The following GRK5 variants were observed in gnomAD, a reference collection of about 807,000 sequenced individuals.
The protein encoded by GRK5 is g protein-coupled receptor kinase GRK5.
A neutral mutation model predicts 78.4 loss-of-function variants in GRK5; 40 were observed. The observed-to-expected ratio is 0.51, with a 90% CI of 0.40 to 0.66. GRK5 has a LOEUF of 0.66. GRK5 is among the 30% of genes least tolerant of loss of function. The pLI is 0.00. For missense variants in GRK5, 598 were observed against 759.9 expected (o/e 0.79, Z 2.50); for synonymous variants, 289 against 296.8 (o/e 0.97, Z 0.27).
chr10:119,394,748 T>G lies in GRK5; in HGVS notation c.262-1947T>G, dbSNP rs368635060. On this transcript the variant is annotated intron_variant, in intron 3 of 15. Coordinates refer to ENST00000392870, the MANE Select transcript of GRK5 (RefSeq NM_005308.3). ...ACGTGTATGTTTGGGTGTGTGTGTGTCTGTGTGTGGGTGTGTATCTGTGTG... is the reference window on the plus strand; with the variant it reads ...ACGTGTATGTTTGGGTGTGTGTGTGGCTGTGTGTGGGTGTGTATCTGTGTG... Among the ~76,000 whole-genome samples the G allele has an allele frequency of 8.4e-4, 49 of 58,152 alleles. 8 individuals are homozygous for G. The highest frequency in any genetic ancestry group is 5.5e-3 in the South Asian group (10 of 1,830). The allele number at this position is 58,152 out of a possible 152,430, so 38.1% of individuals were successfully genotyped here.
chr10:119,363,439 T>C (rs1161732255), intron 2 of GRK5, among the ~76,000 whole-genome samples: 3 of 152,224 alleles, frequency 2.0e-5, no homozygotes, highest in African/African-American at 7.2e-5. Context: ...GTCATGCAGC[T>C]AGTACGTGGT....
chr10:119,249,443 T>C (rs757837947), intron 1 of GRK5, among the ~76,000 whole-genome samples: 1 of 152,214 alleles, frequency 6.6e-6, no homozygotes, highest in Non-Finnish European at 1.5e-5. Flanking sequence ...ACACCAGGTA[T>C]ATCATGTATC....
chr10:119,231,126 GAA>G (rs1284029532), intron 1 of GRK5, among the ~76,000 whole-genome samples: 1 of 152,100 alleles, frequency 6.6e-6, no homozygotes, highest in African/African-American at 2.4e-5. Flanking sequence ...TCAACAGAGT[GAA>G]AAGACAACAC....
At chr10:119,335,317 G>C (rs542388048) in intron 2 of GRK5, among the ~76,000 whole-genome samples, 1 of 151,978 alleles carries the variant, frequency 6.6e-6, no homozygotes, top group South Asian at 2.1e-4. Context: ...TCAACCTTCT[G>C]AGTAGCTGAG....
chr10:119,396,557 C>G lies in GRK5; in HGVS notation c.262-138C>G, dbSNP rs188867286. 2.2e-4 allele frequency: 154 copies of G among 687,352 alleles called. No homozygotes were observed. The East Asian group carries it at 3.7e-3, about 17-fold the overall frequency. The allele number at this position is 687,352 out of a possible 1,614,324, so 42.6% of individuals were successfully genotyped here. On this transcript the variant is annotated intron_variant, in intron 3 of 15. Transcript: ENST00000392870. ...GGGGCTCCGTGGCCAGGTCTTCCCC[C>G]CCGGTTTCCTGACCTGCAGGAGAAG...
At chr10:119,338,720 G>A (rs1459398056) in intron 2 of GRK5, among the ~76,000 whole-genome samples, 1 of 151,306 alleles carries the variant, frequency 6.6e-6, no homozygotes, top group African/African-American at 2.4e-5. Context: ...CATCCACCCA[G>A]GCCCCCGGTC....
intron 2 of GRK5, among the ~76,000 whole-genome samples, chr10:119,338,494 T>G (rs1335249161): frequency 1.3e-5 from 2 of 152,266 alleles, no homozygotes; most frequent in Non-Finnish European, 2.9e-5. Context: ...GTTTCTTACC[T>G]CTTTTCTTAA....
At chr10:119,438,812 G>T (rs143811785) in intron 9 of GRK5, among the ~76,000 whole-genome samples, 116 of 152,366 alleles carry the variant, frequency 7.6e-4, no homozygotes, top group African/African-American at 2.7e-3. Flanking sequence ...CACATCAAAA[G>T]AATGCCATTT....
At chr10:119,234,642 ATTCTT>A (rs1373753619) in intron 1 of GRK5, among the ~76,000 whole-genome samples, 3 of 145,310 alleles carry the variant, frequency 2.1e-5, no homozygotes, top group South Asian at 2.2e-4. Flanking sequence ...TTTCTTTTCT[ATTCTT>A]TTCTTTTCTC....
intron 4 of GRK5, among the ~76,000 whole-genome samples, chr10:119,417,610 G>A (rs925800296): frequency 1.3e-5 from 2 of 151,880 alleles, no homozygotes; most frequent in Non-Finnish European, 2.9e-5. Flanking sequence ...AATCGTTAGT[G>A]GTCAGCAATA....
intron 1 of GRK5, among the ~76,000 whole-genome samples, chr10:119,228,348 A>C (rs115395419): frequency 0.013 from 1,858 of 148,638 alleles, 53 homozygotes; most frequent in African/African-American, 0.044. Flanking sequence ...CTGTCTCAAA[A>C]AAAACAAAAC....
rs1219780846 is a variant in GRK5, at chr10:119,253,991, G to A, written c.52+46022G>A. Among the ~76,000 whole-genome samples the A allele has an allele frequency of 3.3e-5, 5 of 152,176 alleles. No homozygotes were observed. The highest frequency in any genetic ancestry group is 1.2e-4 in the African/African-American group (5 of 41,426). ...GAAAGTACAGAAAGCCGTGACACCT[G>A]ATGGAAAATATTACGCTTTAGTCAA... On this transcript the variant is annotated intron_variant, in intron 1 of 15. Coordinates refer to ENST00000392870, the MANE Select transcript of GRK5 (RefSeq NM_005308.3). This position sits in a 1 kb window ranked among gnomAD's most constrained non-coding sequence, Gnocchi z 5.7.
intron 4 of GRK5, among the ~76,000 whole-genome samples, chr10:119,404,887 C>T (rs1050225127): frequency 2.9e-4 from 44 of 152,310 alleles, no homozygotes; most frequent in African/African-American, 1.0e-3. Flanking sequence ...TATTAGTGTA[C>T]CCATTTTACA....
intron 2 of GRK5, among the ~76,000 whole-genome samples, chr10:119,344,872 C>CCCTTCCTTCCTTCCCT (rs1851053571): frequency 1.4e-5 from 1 of 73,662 alleles, no homozygotes; most frequent in African/African-American, 5.6e-5. Context: ...ACAAGACCCA[C>CCCTTCCTTCCTTCCCT]CCTTCCTTCC....
At chr10:119,448,006 G>T in intron 12 of GRK5, 117 bp from the exon 13 acceptor site, 1 of 1,275,472 alleles carries the variant, frequency 7.8e-7, no homozygotes. Context: ...CAAGACCTTT[G>T]CAGGGTGGGG....
chr10:119,381,269 C>G (rs1293510695), intron 3 of GRK5, among the ~76,000 whole-genome samples: 5 of 152,224 alleles, frequency 3.3e-5, no homozygotes, highest in Admixed American at 2.6e-4. Flanking sequence ...AGGCCCCTTC[C>G]TCCAGCTGAG....
intron 1 of GRK5, among the ~76,000 whole-genome samples, chr10:119,234,576 A>C (rs2082771979): frequency 6.6e-6 from 1 of 152,208 alleles, no homozygotes; most frequent in African/African-American, 2.4e-5. Flanking sequence ...TTTGGAAGCC[A>C]AGAATGGGTG....
intron 1 of GRK5, among the ~76,000 whole-genome samples, chr10:119,224,722 C>T (rs1415277985): frequency 1.3e-5 from 2 of 152,136 alleles, no homozygotes; most frequent in Non-Finnish European, 1.5e-5. Context: ...CCTAGTCACC[C>T]ACTTTTTAAT....
chr10:119,216,202 A>G (rs926600927), intron 1 of GRK5, among the ~76,000 whole-genome samples: 3 of 152,190 alleles, frequency 2.0e-5, no homozygotes, highest in Non-Finnish European at 4.4e-5. Flanking sequence ...CATCCTCCTA[A>G]ACTAGGCCAG....
Sources: gnomAD v4.1 joint callset for allele counts (sites outside exome capture counted in the v4.1 genomes callset) on GRCh38, gnomAD v4.1.1 for gene constraint, Gnocchi (gnomAD v3.1) non-coding constraint, MANE v1.5 for transcripts, NCBI Gene and HGNC (gene_info 2026-07-23, HGNC 2026-07-21) for gene names.